Variants in ESRRG observed in about 807,000 individuals in gnomAD.
ESRRG encodes estrogen related receptor gamma, also known as estrogen-related receptor gamma.
Under a neutral mutation model 44.0 loss-of-function variants are expected in ESRRG, and 13 were observed. The ratio of observed to expected loss-of-function variants is 0.30; its 90% confidence interval spans 0.19 to 0.47. The LOEUF is 0.47. Ranked by LOEUF, ESRRG falls within the 20% of genes least tolerant of loss-of-function variation. ESRRG has a pLI of 1.00. For synonymous variants in ESRRG, 215 were observed against 214.6 expected, an observed-to-expected ratio of 1.00 and a Z score of -0.02; for missense variants, 395 against 580.6, an observed-to-expected ratio of 0.68 and a Z score of 3.29.
At chr1:216,840,574 G>A (rs957633180) in intron 2 of ESRRG, among the ~76,000 whole-genome samples, 2 of 152,076 alleles carry the variant, frequency 1.3e-5, no homozygotes, top group Admixed American at 1.3e-4. Flanking sequence ...CTAGCTTTTG[G>A]CCTGTCTCAG....
intron 3 of ESRRG, among the ~76,000 whole-genome samples, chr1:216,579,318 T>G (rs537701726): frequency 6.6e-6 from 1 of 152,306 alleles, no homozygotes; most frequent in African/African-American, 2.4e-5. Flanking sequence ...CACATTAAAT[T>G]GATATATCAT....
intron 2 of ESRRG, among the ~76,000 whole-genome samples, chr1:216,929,920 G>A (rs1269614895): frequency 1.3e-5 from 2 of 151,974 alleles, no homozygotes; most frequent in Non-Finnish European, 2.9e-5. Flanking sequence ...CATAGAAACC[G>A]TACCTGATTT....
chr1:216,516,628 C>T (rs1272102219), intron 6 of ESRRG, among the ~76,000 whole-genome samples: 4 of 126,682 alleles, frequency 3.2e-5, no homozygotes, highest in African/African-American at 1.4e-4. Context: ...TTCCTAAACA[C>T]ACACACATAC....
chr1:216,860,707 C>T (rs7532370), intron 2 of ESRRG, among the ~76,000 whole-genome samples: 23,524 of 152,018 alleles, frequency 0.15, 2,188 homozygotes, highest in South Asian at 0.2. Flanking sequence ...AATGATTCAT[C>T]GCAAGCAAAA....
intron 5 of ESRRG, among the ~76,000 whole-genome samples, chr1:216,555,420 G>A (rs759371985): frequency 4.6e-5 from 7 of 151,156 alleles, no homozygotes; most frequent in Non-Finnish European, 7.4e-5. Context: ...CAGTTTTCAC[G>A]AACTAATTTT....
intron 1 of ESRRG, among the ~76,000 whole-genome samples, chr1:217,052,696 T>C (rs903949058): frequency 7.2e-5 from 11 of 152,238 alleles, no homozygotes; most frequent in Middle Eastern, 6.8e-3. Context: ...AAATAAGCAT[T>C]TTTAGAAGAG....
intron 2 of ESRRG, among the ~76,000 whole-genome samples, chr1:216,756,185 C>A (rs1261692115): frequency 1.3e-5 from 2 of 151,882 alleles, no homozygotes; most frequent in Admixed American, 6.6e-5. Context: ...AAATGGAAAG[C>A]CCTGGCATTC....
At chr1:216,743,201 A>C (rs1033808808) in intron 2 of ESRRG, among the ~76,000 whole-genome samples, 1 of 152,206 alleles carries the variant, frequency 6.6e-6, no homozygotes, top group Non-Finnish European at 1.5e-5. Flanking sequence ...CAACAATAGC[A>C]TACAATGGAA....
chr1:216,682,530 T>A (rs6604641), intron 1 of ESRRG, among the ~76,000 whole-genome samples: 74,867 of 151,868 alleles, frequency 0.49, 18,873 homozygotes, highest in African/African-American at 0.59. Flanking sequence ...GTGTGATTCA[T>A]CAGAATCACA....
rs1343372627 is a variant in ESRRG, at chr1:216,574,914, C to A, written c.590-6816G>T. Among the ~76,000 whole-genome samples, 3 of 152,124 alleles carry A rather than the reference C, an allele frequency of 2.0e-5. No individual in the cohort carries two copies. In the South Asian group the frequency reaches 6.2e-4, roughly 31 times the overall value. On this transcript the variant is annotated intron_variant, in intron 3 of 6. Coordinates refer to ENST00000408911, the MANE Select transcript of ESRRG (RefSeq NM_001438.4). ...TAGTTCACTTTGCTGCCTAAAGCCA[C>A]CTCCCTCCTTCCCTTGGGAAAGAGA...
At chr1:217,022,203 T>A (rs952514990) in intron 1 of ESRRG, among the ~76,000 whole-genome samples, 1 of 152,176 alleles carries the variant, frequency 6.6e-6, no homozygotes, top group African/African-American at 2.4e-5. Flanking sequence ...GCTGCTATTG[T>A]GATTATTTGA....
At chr1:216,807,134 G>T (rs1314375271) in intron 2 of ESRRG, among the ~76,000 whole-genome samples, 1 of 152,158 alleles carries the variant, frequency 6.6e-6, no homozygotes, top group East Asian at 1.9e-4. Context: ...GCCATGGTTT[G>T]ACATGAATAT....
At chr1:216,602,707 A>G (rs1330062629) in intron 3 of ESRRG, among the ~76,000 whole-genome samples, 2 of 152,242 alleles carry the variant, frequency 1.3e-5, no homozygotes, top group African/African-American at 2.4e-5. Context: ...ACTATGAACT[A>G]TGTTTTCAAA....
At chr1:216,774,080 G>A (rs1337251238) in intron 2 of ESRRG, among the ~76,000 whole-genome samples, 1 of 152,036 alleles carries the variant, frequency 6.6e-6, no homozygotes, top group African/African-American at 2.4e-5. Context: ...AGCCATAGAG[G>A]CCACATAGCT....
At chr1:216,969,815 C>A (rs1184151631) in intron 1 of ESRRG, among the ~76,000 whole-genome samples, 1 of 152,086 alleles carries the variant, frequency 6.6e-6, no homozygotes, top group Non-Finnish European at 1.5e-5. Context: ...AAACTCCTGA[C>A]CTCAGGTGAT....
At chr1:217,062,573 G>C (rs531595949) in intron 1 of ESRRG, among the ~76,000 whole-genome samples, 4 of 152,266 alleles carry the variant, frequency 2.6e-5, no homozygotes, top group Non-Finnish European at 5.9e-5. Flanking sequence ...TACTCCTTGT[G>C]AGGAGGTAAG....
intron 1 of ESRRG, among the ~76,000 whole-genome samples, chr1:217,071,647 T>C (rs563756811): frequency 1.3e-5 from 2 of 152,284 alleles, no homozygotes; most frequent in South Asian, 4.2e-4. Flanking sequence ...AATTTCAAAA[T>C]AGGATGTTGC....
chr1:216,634,545 A>G (rs1040604281), intron 3 of ESRRG, among the ~76,000 whole-genome samples: 3 of 152,192 alleles, frequency 2.0e-5, no homozygotes, highest in Non-Finnish European at 2.9e-5. Context: ...GTCTTCACAA[A>G]CTGCATCCAA....
At chr1:216,685,214 C>T (rs1023670787) in intron 1 of ESRRG, among the ~76,000 whole-genome samples, 1 of 151,654 alleles carries the variant, frequency 6.6e-6, no homozygotes, top group Admixed American at 6.6e-5. Context: ...GGGTGGACAC[C>T]ACCACTAAAA....
Sources: gnomAD v4.1 joint callset for allele counts (sites outside exome capture counted in the v4.1 genomes callset) on GRCh38, gnomAD v4.1.1 for gene constraint, MANE v1.5 for transcripts, NCBI Gene and HGNC (gene_info 2026-07-23, HGNC 2026-07-21) for gene names.